The following PDE10A variants were observed in gnomAD, a reference collection of about 807,000 sequenced individuals.
PDE10A encodes phosphodiesterase 10A.
In PDE10A, 39 loss-of-function variants were observed where a neutral mutation model predicts 97.7. The observed-to-expected ratio is 0.40, with a 90% CI of 0.31 to 0.52. The LOEUF (loss-of-function observed/expected upper bound fraction) is 0.52. Among genes scored for constraint, PDE10A ranks in the 20% least tolerant of loss-of-function variants. The probability of loss-of-function intolerance (pLI) is 0.56; values close to 1 mark genes in which losing one functional copy is unlikely to be tolerated. For missense variants in PDE10A, 731 were observed against 1,047.8 expected (o/e 0.70, Z 4.17); for synonymous variants, 371 against 376.8 (o/e 0.98, Z 0.18).
chr6:165,965,276 T>C (rs963143263), intron 1 of PDE10A, among the ~76,000 whole-genome samples: 1 of 152,120 alleles, frequency 6.6e-6, no homozygotes, highest in Non-Finnish European at 1.5e-5. Flanking sequence ...AGAAAAGTGA[T>C]GGCCCCAAGT....
At chr6:165,947,190 C>T (rs1315914139) in intron 1 of PDE10A, 1 of 152,154 alleles carries the variant, frequency 6.6e-6, no homozygotes, top group African/African-American at 2.4e-5. Flanking sequence ...GTCATTTTGT[C>T]TTTTCCTCTA....
chr6:165,704,380 G>A (rs939379960), intron 1 of PDE10A, among the ~76,000 whole-genome samples: 1 of 152,174 alleles, frequency 6.6e-6, no homozygotes, highest in Non-Finnish European at 1.5e-5. Context: ...AGTACGGTAG[G>A]ATATACTCAG....
At chr6:165,883,006 C>A (rs139878408) in intron 1 of PDE10A, among the ~76,000 whole-genome samples, 1 of 151,456 alleles carries the variant, frequency 6.6e-6, no homozygotes, top group Non-Finnish European at 1.5e-5. Context: ...GAGGCGGAGG[C>A]GGGCAGATTG....
rs969478800 is a variant in PDE10A, at chr6:165,778,167, C to T, written c.-615+209362G>A. Among the ~76,000 whole-genome samples, 3 of 152,080 alleles carry T rather than the reference C, an allele frequency of 2.0e-5. No homozygotes were observed. In the East Asian group the frequency reaches 5.8e-4, roughly 29 times the overall value. On this transcript the variant is annotated intron_variant, in intron 1 of 19. Coordinates refer to the PDE10A transcript ENST00000366882. ...TCAGTTCATTACAATCTCTGCCTCC[C>T]GGGTTCACGCTGTTCTCCTGCCTCT...
intron 17 of PDE10A, among the ~76,000 whole-genome samples, chr6:165,380,059 A>G (rs1254467391): frequency 6.6e-6 from 1 of 152,218 alleles, no homozygotes; most frequent in Non-Finnish European, 1.5e-5. Context: ...TCTGGATTCT[A>G]TTGGCTCAGA....
At chr6:165,812,399 G>A (rs1779306268) in intron 1 of PDE10A, among the ~76,000 whole-genome samples, 1 of 151,912 alleles carries the variant, frequency 6.6e-6, no homozygotes, top group African/African-American at 2.4e-5. Flanking sequence ...ATTTATCAGT[G>A]GTTAAGCAAT....
At chr6:165,342,572 CTGTTTA>C (rs1446859099) in intron 19 of PDE10A, among the ~76,000 whole-genome samples, 5 of 152,136 alleles carry the variant, frequency 3.3e-5, no homozygotes, top group Admixed American at 1.3e-4. Flanking sequence ...GAATGATTTG[CTGTTTA>C]TGTTTTACAT....
intron 12 of PDE10A, among the ~76,000 whole-genome samples, chr6:165,414,543 T>C (rs1047746860): frequency 2.6e-5 from 4 of 152,196 alleles, no homozygotes; most frequent in East Asian, 1.9e-4. Context: ...AATGGACATA[T>C]CGTATTTTGT....
intron 1 of PDE10A, among the ~76,000 whole-genome samples, chr6:165,884,963 C>T (rs1781588066): frequency 6.6e-6 from 1 of 152,112 alleles, no homozygotes; most frequent in South Asian, 2.1e-4. Flanking sequence ...GCTGTGTCGT[C>T]CTGTGTGGGT....
intron 1 of PDE10A, among the ~76,000 whole-genome samples, chr6:165,970,859 T>A (rs776801555): frequency 7.0e-4 from 106 of 152,016 alleles, no homozygotes; most frequent in African/African-American, 1.3e-3. Flanking sequence ...GAAAAAAAAA[T>A]TTTTCAGCCT....
intron 18 of PDE10A, among the ~76,000 whole-genome samples, chr6:165,364,519 T>A (rs1032588205): frequency 1.3e-5 from 2 of 152,192 alleles, no homozygotes; most frequent in Admixed American, 6.5e-5. Context: ...GACACACATA[T>A]AATCTATAAA....
intron 18 of PDE10A, among the ~76,000 whole-genome samples, chr6:165,355,157 C>T (rs512584): frequency 0.47 from 70,755 of 151,878 alleles, 17,314 homozygotes; most frequent in African/African-American, 0.63. Flanking sequence ...GAACAAAATA[C>T]TTCAAACAAA....
At chr6:165,767,787 G>A (rs754079353) in intron 1 of PDE10A, among the ~76,000 whole-genome samples, 1 of 152,102 alleles carries the variant, frequency 6.6e-6, no homozygotes, top group Non-Finnish European at 1.5e-5. Context: ...TCTGGATATA[G>A]CTCGTAGTGG....
chr6:165,486,868 C>G (rs1237346259), intron 2 of PDE10A, among the ~76,000 whole-genome samples: 1 of 152,182 alleles, frequency 6.6e-6, no homozygotes, highest in Non-Finnish European at 1.5e-5. Context: ...GATAAAGCAG[C>G]TGCATTCAAA....
intron 1 of PDE10A, among the ~76,000 whole-genome samples, chr6:165,831,126 T>G (rs910959068): frequency 1.3e-5 from 2 of 151,976 alleles, no homozygotes; most frequent in African/African-American, 4.8e-5. Flanking sequence ...GGCTCAAGCC[T>G]GTAATCCCAG....
chr6:165,887,359 A>G (rs1167908470), intron 1 of PDE10A, among the ~76,000 whole-genome samples: 1 of 152,224 alleles, frequency 6.6e-6, no homozygotes, highest in Non-Finnish European at 1.5e-5. Context: ...CTGGGTTCTT[A>G]TCTCCATATC....
intron 1 of PDE10A, among the ~76,000 whole-genome samples, chr6:165,757,692 C>T (rs936973879): frequency 2.6e-5 from 4 of 152,048 alleles, no homozygotes; most frequent in Non-Finnish European, 4.4e-5. Context: ...TTGATTTATA[C>T]GTCTATAGTA....
chr6:165,721,418 A>G (rs1050248054), intron 1 of PDE10A, among the ~76,000 whole-genome samples: 1 of 152,194 alleles, frequency 6.6e-6, no homozygotes, highest in Non-Finnish European at 1.5e-5. Context: ...GTAAGTGGAT[A>G]TTTTGAGGTA....
chr6:165,609,013 T>C (rs1787363874), intron 1 of PDE10A, among the ~76,000 whole-genome samples: 2 of 152,364 alleles, frequency 1.3e-5, no homozygotes, highest in South Asian at 4.1e-4. Flanking sequence ...TATTAGCCCT[T>C]TGTCAGATGA....
Sources: allele counts gnomAD v4.1 joint callset (sites outside exome capture counted in the v4.1 genomes callset), GRCh38; gene constraint gnomAD v4.1.1; transcripts MANE v1.5; gene names NCBI Gene and HGNC (gene_info 2026-07-23, HGNC 2026-07-21).